Variants in MKNK2 observed in about 807,000 individuals in gnomAD.
MKNK2 encodes the protein MAPK interacting serine/threonine kinase 2, also known as MAP kinase-interacting serine/threonine-protein kinase 2.
Under a neutral mutation model 55.0 loss-of-function variants are expected in MKNK2, and 54 were observed. The observed-to-expected ratio is 0.98, with a 90% CI of 0.79 to 1.23. MKNK2 has a LOEUF of 1.23. Among genes scored for constraint, MKNK2 ranks in the 50% most tolerant of loss-of-function variants. The pLI, the probability that MKNK2 is intolerant of heterozygous loss-of-function variation, is 0.00. For synonymous variants in MKNK2, 323 were observed against 256.0 expected (o/e 1.26, Z -2.50); for missense variants, 685 against 632.1 (o/e 1.08, Z -0.90).
chr19:2,042,186 A>C (rs1262712922), intron 10 of MKNK2, 152 bp from the exon 11 acceptor site: 3 of 775,940 alleles, frequency 3.9e-6, no homozygotes, highest in Non-Finnish European at 5.8e-6. Context: ...GCCCCCGCCC[A>C]ATCAGCAGGT....
Position 2,038,311 on chromosome 19 carries a change from G to T in MKNK2, c.*1302C>A. Reference sequence around the variant, plus strand: ...AAGAATCCCGACCGCGGATTTAGAAGCCAGAGGGGCTGCCCCAGCTGTGGA... The same window carrying T: ...AAGAATCCCGACCGCGGATTTAGAATCCAGAGGGGCTGCCCCAGCTGTGGA... On this transcript the variant is annotated 3_prime_UTR_variant, in exon 14 of 14. Transcript: ENST00000250896. 9.1e-6 allele frequency: 9 copies of T among 986,706 alleles called. No homozygotes were observed. The highest frequency in any genetic ancestry group is 1.1e-5 in the Non-Finnish European group (9 of 830,512). The allele number at this position is 986,706 out of a possible 1,614,324, so 61.1% of individuals were successfully genotyped here.
Position 2,042,030 on chromosome 19 carries a change from C to A in MKNK2, c.755G>T (p.Gly252Val). 6.7e-7 allele frequency: 1 copy of A among 1,493,764 alleles called. No individual in the cohort carries two copies. Among genetic ancestry groups the A allele is most frequent in the Admixed American group, 2.4e-5 (1 of 42,164 alleles). The allele number at this position is 1,493,764 out of a possible 1,614,324, so 92.5% of individuals were successfully genotyped here. A position where few individuals can be genotyped will look rare whatever the true frequency, so the allele number is the denominator to read the frequency against. Residue 252 changes from glycine to valine, a missense_variant, in exon 11 of 14, where the codon GGC (glycine) becomes GTC (valine). Physicochemically the swap from Gly to Val is moderately radical, Grantham distance 109 (BLOSUM62 -3). Coordinates refer to ENST00000250896, the MANE Select transcript of MKNK2 (RefSeq NM_199054.3). ...CTCCGGGGCCATGTACTCCGCCGAG[C>A]CGCACTGCGGGCGGGGGAGGGGCGC... ...ISTPELLTPC[G>V]SAEYMAPEVV...
chr19:2,042,515 G>A lies in MKNK2; in HGVS notation c.662C>T (p.Pro221Leu), dbSNP rs933814578. 3 of 1,594,108 alleles carry A rather than the reference G, an allele frequency of 1.9e-6. No homozygotes were observed. The African/African-American group carries it at 4.0e-5, about 21-fold the overall frequency. The stretch of plus-strand genomic sequence containing the variant: ...CAGGTCGAAGTCACAGATCTTCACG[G>A]GGGAGACCTGGGAGGGGCCAAAAGG... ...ILCEHPNQVS[P>L]VKICDFDLGS... The change falls in exon 10 of 14, where the codon CCC becomes CTC. Residue 221 changes from proline (P) to leucine (L), a missense_variant. By Grantham distance (98) the Pro-to-Leu change is moderately conservative. Transcript: ENST00000250896.
rs967922095 is a variant in MKNK2, at chr19:2,039,298, C to A, written c.*315G>T. ...GGGCAGCACAGGTGACCTGGGGGCA[C>A]CTTCATAGTAGAGGTGAGCAGGGCG... On this transcript the variant is annotated 3_prime_UTR_variant, in exon 14 of 14. Coordinates refer to ENST00000250896, the MANE Select transcript of MKNK2 (RefSeq NM_199054.3). 6.7e-6 allele frequency: 8 copies of A among 1,201,040 alleles called. No homozygotes were observed. In the East Asian group the frequency reaches 2.9e-4, roughly 44 times the overall value. 74.4% of individuals were successfully genotyped at this position (1,201,040 alleles called of 1,614,324 possible).
At chr19:2,041,814 AGAG>A in intron 11 of MKNK2, 23 bp downstream of exon 11, 1 of 1,490,612 alleles carries the variant, frequency 6.7e-7, no homozygotes, top group Non-Finnish European at 8.9e-7. Flanking sequence ...GGTGCCCAGG[AGAG>A]GAGGGTGCGC....
Position 2,042,889 on chromosome 19 carries a change from G to A in MKNK2, c.494-19C>T, listed in dbSNP as rs1009848827. ...ATGGAGCCTGGGCAGGGCAGGGCAGGGCAGGACAGGGGGAACACGCAGGTC... is the reference window on the plus strand; with the variant it reads ...ATGGAGCCTGGGCAGGGCAGGGCAGAGCAGGACAGGGGGAACACGCAGGTC... On this transcript the variant is annotated intron_variant, in intron 7 of 13. Coordinates refer to ENST00000250896, the MANE Select transcript of MKNK2 (RefSeq NM_199054.3). The A allele has an allele frequency of 1.3e-6, 2 of 1,554,460 alleles. No homozygotes were observed. The highest frequency in any genetic ancestry group is 1.7e-6 in the Non-Finnish European group (2 of 1,148,922).
intron 13 of MKNK2, 22 bp downstream of exon 13, chr19:2,040,112 C>A (rs371168187): frequency 1.9e-6 from 3 of 1,579,200 alleles, no homozygotes; most frequent in East Asian, 2.3e-5. Context: ...TCAGGGGTCC[C>A]GAGCACCCCT....
At chr19:2,040,506 G>A (rs2016853355) in intron 12 of MKNK2, 1 of 381,104 alleles carries the variant, frequency 2.6e-6, no homozygotes, top group South Asian at 5.9e-5. Flanking sequence ...CTTAACCCAT[G>A]GGTCTCTGGA....
rs536814561 is a variant in MKNK2, at chr19:2,046,080, T to A, written c.339+106A>T. 8.6e-6 allele frequency: 10 copies of A among 1,162,434 alleles called. No homozygotes were observed. The African/African-American group carries it at 1.4e-4, about 16-fold the overall frequency. The allele number at this position is 1,162,434 out of a possible 1,614,324, so 72.0% of individuals were successfully genotyped here. ...CCCGGTGGCCACTTTTAGACACGGG[T>A]CTTCCCGGCTGTAGGACGGACAGCC... On this transcript the variant is annotated intron_variant, in intron 5 of 13. Coordinates refer to ENST00000250896, the MANE Select transcript of MKNK2 (RefSeq NM_199054.3).
chr19:2,044,845 A>G (rs1183951058), intron 5 of MKNK2, among the ~76,000 whole-genome samples: 1 of 152,084 alleles, frequency 6.6e-6, no homozygotes, highest in African/African-American at 2.4e-5. Context: ...TGCTTCAGGG[A>G]GGGGGCGCAG....
chr19:2,043,613 G>T, intron 5 of MKNK2, 31 bp from the exon 6 acceptor site: 1 of 1,605,758 alleles, frequency 6.2e-7, no homozygotes, highest in Non-Finnish European at 8.5e-7. Context: ...CAGCACCTGG[G>T]TTGGTGGGAC....
chr19:2,041,330 C>G, intron 11 of MKNK2, 126 bp from the exon 12 acceptor site: 1 of 955,752 alleles, frequency 1.0e-6, no homozygotes, highest in Non-Finnish European at 1.5e-6. Context: ...ACGCCTGGGG[C>G]AGAGGGGGCT....
chr19:2,043,498 C>A lies in MKNK2; in HGVS notation c.419+5G>T. On this transcript the variant is annotated splice_donor_5th_base_variant and intron_variant, in intron 6 of 13. Coordinates refer to ENST00000250896, the MANE Select transcript of MKNK2 (RefSeq NM_199054.3). Reference sequence around the variant, plus strand: ...CCAGTGCGGTGGCAAGGGTGGCTCACCTACCTGTGTCCCTGGCACTGGTAC... The same window carrying A: ...CCAGTGCGGTGGCAAGGGTGGCTCAACTACCTGTGTCCCTGGCACTGGTAC... 6.2e-7 allele frequency: 1 copy of A among 1,613,474 alleles called. No individual in the cohort carries two copies. The highest frequency in any genetic ancestry group is 8.5e-7 in the Non-Finnish European group (1 of 1,179,468).
At chr19:2,051,016 G>C in intron 1 of MKNK2, 69 bp from the exon 2 acceptor site, 1 of 405,274 alleles carries the variant, frequency 2.5e-6, no homozygotes, top group Non-Finnish European at 4.2e-6. Context: ...CGGACCGGGC[G>C]GGGGCGGCGA....
intron 2 of MKNK2, among the ~76,000 whole-genome samples, chr19:2,048,753 G>C (rs761793540): frequency 6.6e-6 from 1 of 151,758 alleles, no homozygotes; most frequent in Non-Finnish European, 1.5e-5. Context: ...ACCCTGGCTC[G>C]GGCAGATAGC....
rs1321342011 is a variant in MKNK2, at chr19:2,042,912, G to C, written c.494-42C>G. 4.6e-6 allele frequency: 7 copies of C among 1,534,022 alleles called. No homozygotes were observed. The Middle Eastern group carries it at 8.0e-4, about 175-fold the overall frequency. ...AGGGCAGGACAGGGGGAACACGCAG[G>C]TCACCTCAAAGTCCCCTCAAGGCCA... On this transcript the variant is annotated intron_variant, in intron 7 of 13. Coordinates refer to ENST00000250896, the MANE Select transcript of MKNK2 (RefSeq NM_199054.3).
chr19:2,042,151 A>C lies in MKNK2; in HGVS notation c.751-117T>G, dbSNP rs531397336. 1.9e-4 allele frequency: 196 copies of C among 1,038,298 alleles called. 1 individual carries two copies. The highest frequency in any genetic ancestry group is 8.4e-4 in the African/African-American group (49 of 58,328). 64.3% of individuals were successfully genotyped at this position (1,038,298 alleles called of 1,614,324 possible). On this transcript the variant is annotated intron_variant, in intron 10 of 13. Transcript: ENST00000250896. ...CTCGGACCCCGCCCCGCCGGGCCCG[A>C]CCAATCAGCGGCTGCCGGGAACGCG... is the stretch of plus-strand genomic sequence containing the variant.
rs1354268642 is a variant in MKNK2 at position 2,043,161 on chromosome 19, C to T, written c.456G>A (p.Glu152=). ...TCTCAAACACCAGGTAGAAGCGGTCCTCCTCCTCGAAGAACTCAATCAGCT... is the reference window on the plus strand; with the variant it reads ...TCTCAAACACCAGGTAGAAGCGGTCTTCCTCCTCGAAGAACTCAATCAGCT... The part of the protein sequence containing the change: ...VLELIEFFEE[E]DRFYLVFEKM... Residue 152 remains glutamate (E), a synonymous_variant, in exon 7 of 14, where the codon GAG becomes GAA. Transcript: ENST00000250896. 1 of 1,613,502 alleles carries T rather than the reference C, an allele frequency of 6.2e-7. No individual in the cohort carries two copies. The highest frequency in any genetic ancestry group is 1.7e-5 in the Admixed American group (1 of 60,012).
Position 2,039,631 on chromosome 19 carries a change from C to T in MKNK2, c.1380G>A (p.Leu460=), listed in dbSNP as rs1327656310. The T allele has an allele frequency of 1.9e-6, 3 of 1,612,442 alleles. No homozygotes were observed. The highest frequency in any genetic ancestry group is 2.5e-6 in the Non-Finnish European group (3 of 1,179,644). ...GGGAGGGTCAGGCGTGGTCTCCCAC[C>T]AGGACCACTGGGGCCGAGGACAGAC... ...RASLSSAPVV[L]VGDHA Residue 460 remains leucine, a synonymous_variant, in exon 14 of 14, where the codon CTG becomes CTA. Coordinates refer to ENST00000250896, the MANE Select transcript of MKNK2 (RefSeq NM_199054.3).
Sources: allele counts gnomAD v4.1 joint callset (sites outside exome capture counted in the v4.1 genomes callset), GRCh38; gene constraint gnomAD v4.1.1; transcripts MANE v1.5; gene names NCBI Gene and HGNC (gene_info 2026-07-23, HGNC 2026-07-21).